The following ANKS1B variants were observed in gnomAD, a reference collection of about 807,000 sequenced individuals.
The protein encoded by ANKS1B is ankyrin repeat and sterile alpha motif domain containing 1B.
Under a neutral mutation model 148.3 loss-of-function variants are expected in ANKS1B, and 36 were observed. The observed-to-expected ratio is 0.24, with a 90% CI of 0.19 to 0.32. The LOEUF is 0.32. Among genes scored for constraint, ANKS1B ranks in the 10% least tolerant of loss-of-function variants. The pLI is 1.00. For missense variants in ANKS1B, 1,157 were observed against 1,542.6 expected (o/e 0.75, Z 4.19); for synonymous variants, 542 against 560.8 (o/e 0.97, Z 0.47).
intron 9 of ANKS1B, among the ~76,000 whole-genome samples, chr12:99,584,532 G>C (rs2097606499): frequency 6.6e-6 from 1 of 152,132 alleles, no homozygotes; most frequent in Non-Finnish European, 1.5e-5. Context: ...AGGAGACCGA[G>C]GCTGCAGCGA....
At chr12:99,265,221 C>T (rs1296936590) in intron 12 of ANKS1B, among the ~76,000 whole-genome samples, 1 of 152,138 alleles carries the variant, frequency 6.6e-6, no homozygotes, top group South Asian at 2.1e-4. Context: ...TTAGCATCTC[C>T]TGAACACTTA....
intron 15 of ANKS1B, among the ~76,000 whole-genome samples, chr12:99,136,972 A>C (rs2068313878): frequency 6.6e-6 from 1 of 152,136 alleles, no homozygotes. Flanking sequence ...CAAACGGCTA[A>C]CCAGTCACAG....
chr12:99,803,894 A>G (rs1182852594), intron 4 of ANKS1B, among the ~76,000 whole-genome samples: 1 of 152,134 alleles, frequency 6.6e-6, no homozygotes, highest in Admixed American at 6.5e-5. Context: ...TTGTTTTAGC[A>G]TTTATTATAT....
chr12:99,628,199 G>A (rs1002962084), intron 9 of ANKS1B, among the ~76,000 whole-genome samples: 1 of 152,096 alleles, frequency 6.6e-6, no homozygotes, highest in South Asian at 2.1e-4. Flanking sequence ...CTAAACAGGG[G>A]AAAGGTGCAG....
chr12:99,532,744 T>G (rs1380481606), intron 9 of ANKS1B, among the ~76,000 whole-genome samples: 2 of 152,224 alleles, frequency 1.3e-5, no homozygotes, highest in Admixed American at 6.5e-5. Context: ...TATACGTGGC[T>G]ATTCCATTTT....
intron 21 of ANKS1B, among the ~76,000 whole-genome samples, chr12:98,799,640 T>A (rs2098983342): frequency 6.6e-6 from 1 of 151,808 alleles, no homozygotes; most frequent in African/African-American, 2.4e-5. Context: ...AGGATGACAG[T>A]CTCCCAAGAA....
intron 9 of ANKS1B, among the ~76,000 whole-genome samples, chr12:99,592,754 C>T (rs908069586): frequency 2.0e-5 from 3 of 152,102 alleles, no homozygotes; most frequent in African/African-American, 7.2e-5. Context: ...TGACACAGCT[C>T]TCAGGAGATC....
intron 8 of ANKS1B, among the ~76,000 whole-genome samples, chr12:99,708,834 T>C (rs2056217901): frequency 6.6e-6 from 1 of 152,124 alleles, no homozygotes; most frequent in Admixed American, 6.6e-5. Flanking sequence ...TTTCCAGGAA[T>C]TCCAACCTGG....
chr12:99,712,441 T>A lies in ANKS1B; in HGVS notation c.1129-57231A>T, dbSNP rs536983139. Reference sequence around the variant, plus strand: ...GATTATCTGGATAGACCCAATGTAATCACAAGAGTCCTTAAAGAAGGAAAA... The same window carrying A: ...GATTATCTGGATAGACCCAATGTAAACACAAGAGTCCTTAAAGAAGGAAAA... On this transcript the variant is annotated intron_variant, in intron 8 of 26. Transcript: ENST00000683438. Among the ~76,000 whole-genome samples the A allele has an allele frequency of 2.3e-4, 35 of 152,146 alleles. 1 individual carries two copies. The South Asian group carries it at 7.3e-3, about 32-fold the overall frequency.
chr12:99,268,999 T>C (rs1007836163), intron 12 of ANKS1B, among the ~76,000 whole-genome samples: 3 of 152,254 alleles, frequency 2.0e-5, no homozygotes, highest in South Asian at 2.1e-4. Flanking sequence ...ATTGGTTGTA[T>C]TGTGTAACGG....
chr12:99,321,824 C>G (rs1244266962), intron 12 of ANKS1B, among the ~76,000 whole-genome samples: 1 of 152,066 alleles, frequency 6.6e-6, no homozygotes, highest in Admixed American at 6.6e-5. Context: ...TTGGGACCAT[C>G]CAGAATGGTA....
intron 17 of ANKS1B, among the ~76,000 whole-genome samples, chr12:98,951,993 A>G (rs1200178017): frequency 6.6e-6 from 1 of 152,178 alleles, no homozygotes; most frequent in East Asian, 1.9e-4. Context: ...AATCTGGTGA[A>G]TGTATTTAAA....
At chr12:99,151,451 T>G (rs2074877646) in intron 15 of ANKS1B, among the ~76,000 whole-genome samples, 1 of 150,552 alleles carries the variant, frequency 6.6e-6, no homozygotes, top group Admixed American at 6.6e-5. Context: ...TCGCTTGAAC[T>G]GGAAAGATGG....
At chr12:99,923,337 G>A (rs2094409052) in intron 1 of ANKS1B, among the ~76,000 whole-genome samples, 1 of 152,202 alleles carries the variant, frequency 6.6e-6, no homozygotes, top group South Asian at 2.1e-4. Flanking sequence ...AATGGCATAT[G>A]CAAAGGCATT....
chr12:99,508,832 T>C (rs1023904646), intron 9 of ANKS1B, among the ~76,000 whole-genome samples: 4 of 151,892 alleles, frequency 2.6e-5, no homozygotes, highest in Admixed American at 2.0e-4. Context: ...TATATGTCTA[T>C]TCTAGTACAG....
intron 8 of ANKS1B, 43 bp downstream of exon 8, chr12:99,772,879 C>A: frequency 6.3e-7 from 1 of 1,576,452 alleles, no homozygotes; most frequent in South Asian, 1.2e-5. Context: ...ACTGAACTGG[C>A]AAAGACAGAC....
At chr12:99,575,507 C>T (rs2153224712) in intron 9 of ANKS1B, among the ~76,000 whole-genome samples, 1 of 152,046 alleles carries the variant, frequency 6.6e-6, no homozygotes, top group East Asian at 1.9e-4. Flanking sequence ...ACTCATGGAT[C>T]CACATGGCTG....
At chr12:99,431,471 T>C (rs1399821651) in intron 11 of ANKS1B, among the ~76,000 whole-genome samples, 1 of 152,214 alleles carries the variant, frequency 6.6e-6, no homozygotes. Context: ...CCCTAGATCA[T>C]GTTTTTCAAA....
chr12:99,024,394 A>C (rs115428567), intron 17 of ANKS1B, among the ~76,000 whole-genome samples: 1,646 of 152,016 alleles, frequency 0.011, 26 homozygotes, highest in South Asian at 0.045. Context: ...TCCCTGATTC[A>C]CTCTTCAGTG....
Sources: gnomAD v4.1 joint callset for allele counts (sites outside exome capture counted in the v4.1 genomes callset) on GRCh38, gnomAD v4.1.1 for gene constraint, MANE v1.5 for transcripts, NCBI Gene and HGNC (gene_info 2026-07-23, HGNC 2026-07-21) for gene names.